Variants in SYNE1 observed in about 807,000 individuals in gnomAD.
SYNE1 encodes the protein nesprin-1.
A neutral mutation model predicts 1,111.0 loss-of-function variants in SYNE1; 616 were observed. That is an observed-to-expected ratio of 0.55 (90% CI 0.52 to 0.59). The LOEUF (loss-of-function observed/expected upper bound fraction) is 0.59. Among genes scored for constraint, SYNE1 ranks in the 20% least tolerant of loss-of-function variants. The probability of loss-of-function intolerance (pLI) is 0.00; values close to 1 mark genes in which losing one functional copy is unlikely to be tolerated. For missense variants in SYNE1, 10,006 were observed against 10,417.0 expected, an observed-to-expected ratio of 0.96 and a Z score of 1.72; for synonymous variants, 3,855 against 3,825.8, an observed-to-expected ratio of 1.01 and a Z score of -0.28.
chr6:152,167,999 C>T (rs1178080068), intron 130 of SYNE1: 1 of 778,946 alleles, frequency 1.3e-6, no homozygotes, highest in Non-Finnish European at 2.4e-6. Context: ...CACCAATCCT[C>T]TTCATGTAAC....
chr6:152,133,583 A>G, intron 142 of SYNE1, 95 bp from the exon 143 acceptor site: 1 of 1,213,178 alleles, frequency 8.2e-7, no homozygotes, highest in African/African-American at 1.5e-5. Context: ...ACTTGGTGGG[A>G]AATTATACCT....
chr6:152,343,664 C>T (rs904020978), intron 74 of SYNE1, among the ~76,000 whole-genome samples: 2 of 151,824 alleles, frequency 1.3e-5, no homozygotes, highest in Admixed American at 6.6e-5. Flanking sequence ...CAGCCTCAGG[C>T]GGGTAGGTAC....
intron 11 of SYNE1, among the ~76,000 whole-genome samples, chr6:152,493,524 C>T (rs1023104541): frequency 3.9e-5 from 6 of 152,154 alleles, no homozygotes; most frequent in Non-Finnish European, 8.8e-5. Flanking sequence ...TCATACTTTA[C>T]TTTCTTTCTG....
Position 152,483,120 on chromosome 6 carries a change from C to G in SYNE1, c.1315G>C (p.Ala439Pro), listed in dbSNP as rs771434291. Residue 439 changes from alanine (A) to proline (P), a missense_variant, in exon 14 of 146, where the codon GCA (alanine) becomes CCA (proline). Physicochemically the swap from Ala to Pro is conservative, Grantham distance 27 (BLOSUM62 -1). Around this residue, in one of 7 missense-constraint regions of SYNE1, gnomAD observed 1,971 missense variants for 2,084.1 expected, o/e 0.95. Transcript: ENST00000367255. ...ITVQQVHEET[A>P]NTIQRKLEQH... Reference sequence around the variant, plus strand: ...TCAAGTTTCCGTTGTATCGTGTTTGCTGTTTCCTCGTGGACCTGTTGAACG... The same window carrying G: ...TCAAGTTTCCGTTGTATCGTGTTTGGTGTTTCCTCGTGGACCTGTTGAACG... 1.2e-6 allele frequency: 2 copies of G among 1,614,218 alleles called. No homozygotes were observed. The highest frequency in any genetic ancestry group is 2.2e-5 in the South Asian group (2 of 91,084).
intron 54 of SYNE1, among the ~76,000 whole-genome samples, chr6:152,386,279 T>C (rs1026859090): frequency 5.3e-5 from 8 of 152,122 alleles, no homozygotes; most frequent in Non-Finnish European, 1.0e-4. Context: ...GAAAAGACAC[T>C]CAAGCTTAGA....
rs77169399 is a variant in SYNE1 at position 152,537,858 on chromosome 6, T to C, written c.129+2102A>G. On this transcript the variant is annotated intron_variant, in intron 4 of 145. Transcript: ENST00000367255. ...GGAGAAAAGGATCAACTTCCTTTCT[T>C]CTCAACTAAACATCCCAGCTCTTAA... Among the ~76,000 whole-genome samples, 974 of 152,320 alleles carry C rather than the reference T, an allele frequency of 6.4e-3. 16 individuals carry two copies. The highest frequency in any genetic ancestry group is 0.022 in the African/African-American group (935 of 41,592).
chr6:152,227,624 G>C (rs1242124010), intron 115 of SYNE1, among the ~76,000 whole-genome samples: 2 of 152,074 alleles, frequency 1.3e-5, no homozygotes, highest in African/African-American at 4.8e-5. Flanking sequence ...TTTCTGTAAA[G>C]AGATTAAAAG....
At chr6:152,163,071 C>T (rs773929930) in intron 131 of SYNE1, among the ~76,000 whole-genome samples, 1 of 152,104 alleles carries the variant, frequency 6.6e-6, no homozygotes, top group Non-Finnish European at 1.5e-5. Flanking sequence ...GCTGCAATGG[C>T]CTAAATGTAA....
At chr6:152,142,306 C>G (rs1014243192) in intron 138 of SYNE1, among the ~76,000 whole-genome samples, 10 of 152,142 alleles carry the variant, frequency 6.6e-5, no homozygotes, top group African/African-American at 2.4e-4. Flanking sequence ...TGGCAAGCTG[C>G]TCCCTCTTTC....
intron 138 of SYNE1, among the ~76,000 whole-genome samples, chr6:152,141,741 T>G (rs972428746): frequency 9.9e-5 from 15 of 151,224 alleles, no homozygotes; most frequent in African/African-American, 3.7e-4. Context: ...TGCGACAGAG[T>G]GAGACCCAGT....
chr6:152,507,494 T>C (rs2099063976), intron 8 of SYNE1, among the ~76,000 whole-genome samples: 1 of 152,150 alleles, frequency 6.6e-6, no homozygotes, highest in African/African-American at 2.4e-5. Flanking sequence ...CACACACTGT[T>C]TCCTATTGTA....
intron 128 of SYNE1, among the ~76,000 whole-genome samples, chr6:152,187,196 A>G (rs923786538): frequency 2.0e-5 from 3 of 152,202 alleles, no homozygotes; most frequent in Non-Finnish European, 4.4e-5. Context: ...TAAAAAGTAT[A>G]TATTCATAGG....
chr6:152,468,241 T>C (rs1369599864), intron 16 of SYNE1, among the ~76,000 whole-genome samples: 1 of 152,214 alleles, frequency 6.6e-6, no homozygotes, highest in Non-Finnish European at 1.5e-5. Flanking sequence ...TCGAGATATT[T>C]AAAATTAACA....
intron 52 of SYNE1, among the ~76,000 whole-genome samples, chr6:152,390,703 A>G (rs543044255): frequency 6.6e-6 from 1 of 152,322 alleles, no homozygotes; most frequent in South Asian, 2.1e-4. Context: ...GTATAATTTT[A>G]TTGACTTCAG....
chr6:152,511,184 T>C, intron 6 of SYNE1, 81 bp from the exon 7 acceptor site: 1 of 1,224,248 alleles, frequency 8.2e-7, no homozygotes, highest in Admixed American at 1.7e-5. Context: ...AGGCCTTTAG[T>C]AGACATCAAT....
At chr6:152,548,766 T>C (rs1011300575) in intron 3 of SYNE1, among the ~76,000 whole-genome samples, 3 of 152,216 alleles carry the variant, frequency 2.0e-5, no homozygotes, top group African/African-American at 7.2e-5. Context: ...GGTCCAACTA[T>C]GCATCCTTCT....
At chr6:152,236,383 C>T (rs964179900) in intron 109 of SYNE1, 80 bp from the exon 110 acceptor site, 10 of 998,738 alleles carry the variant, frequency 1.0e-5, no homozygotes, top group Admixed American at 4.0e-5. Flanking sequence ...CTGGTACCTA[C>T]AATGTTCCCA....
At chr6:152,552,505 A>G (rs1356971242) in intron 3 of SYNE1, among the ~76,000 whole-genome samples, 1 of 151,196 alleles carries the variant, frequency 6.6e-6, no homozygotes, top group Non-Finnish European at 1.5e-5. Flanking sequence ...CACGGATACA[A>G]TAATTTGACA....
intron 66 of SYNE1, among the ~76,000 whole-genome samples, chr6:152,356,649 C>G (rs1034175039): frequency 2.6e-5 from 4 of 151,978 alleles, no homozygotes; most frequent in African/African-American, 4.8e-5. Flanking sequence ...AATCCCTACA[C>G]CATGTACATG....
Sources: allele counts gnomAD v4.1 joint callset (sites outside exome capture counted in the v4.1 genomes callset), GRCh38; gene constraint gnomAD v4.1.1; regional missense constraint gnomAD v4.1.1; transcripts MANE v1.5; gene names NCBI Gene and HGNC (gene_info 2026-07-23, HGNC 2026-07-21).